The following TOX3 variants were observed in gnomAD, a reference collection of about 807,000 sequenced individuals.
TOX3 encodes the protein TOX high mobility group box family member 3.
Under a neutral mutation model 64.3 loss-of-function variants are expected in TOX3, and 22 were observed. That is an observed-to-expected ratio of 0.34 (90% CI 0.24 to 0.49). TOX3 has a LOEUF of 0.49. Ranked by LOEUF, TOX3 falls within the 20% of genes least tolerant of loss-of-function variation. The pLI is 0.99. For synonymous variants in TOX3, 291 were observed against 273.6 expected (o/e 1.06, Z -0.63); for missense variants, 661 against 714.4 (o/e 0.93, Z 0.85).
At chr16:52,521,248 T>C (rs2151478838) in intron 1 of TOX3, among the ~76,000 whole-genome samples, 1 of 152,354 alleles carries the variant, frequency 6.6e-6, no homozygotes, top group Non-Finnish European at 1.5e-5. Context: ...ATGCTTTCTA[T>C]GTAATTCAAT....
intron 1 of TOX3, among the ~76,000 whole-genome samples, chr16:52,514,927 C>T (rs1315456527): frequency 7.3e-6 from 1 of 137,610 alleles, no homozygotes; most frequent in Admixed American, 8.3e-5. Context: ...AGGAGAATGG[C>T]ATGAACCCGG....
chr16:52,483,608 G>A (rs954875118), intron 1 of TOX3, among the ~76,000 whole-genome samples: 4 of 122,214 alleles, frequency 3.3e-5, no homozygotes, highest in African/African-American at 9.5e-5. Context: ...TTGCTCTGTC[G>A]CCCAGGCTGG....
chr16:52,450,291 C>T lies in TOX3; in HGVS notation c.664G>A (p.Asp222Asn), dbSNP rs1960294349. The part of the protein sequence containing the change: ...PSSSINEEDA[D>N]EANRAIGEKR... ...TTCTAACTTACTCTGTTGGCTTCAT[C>T]AGCATCCTCTTCATTGATGGAGCTG... Residue 222 changes from aspartate (D) to asparagine (N), a missense_variant, in exon 4 of 7, where the codon GAT (aspartate) becomes AAT (asparagine). Around this residue, in one of 3 missense-constraint regions of TOX3, gnomAD observed 103 missense variants for 161.2 expected, o/e 0.64. Transcript: ENST00000219746. The T allele has an allele frequency of 1.2e-6, 2 of 1,613,912 alleles. No individual in the cohort carries two copies. The highest frequency in any genetic ancestry group is 1.7e-6 in the Non-Finnish European group (2 of 1,179,902).
At chr16:52,537,546 C>T (rs530342959) in intron 1 of TOX3, among the ~76,000 whole-genome samples, 2 of 152,268 alleles carry the variant, frequency 1.3e-5, no homozygotes, top group East Asian at 1.9e-4. Context: ...TCCAGTTAGC[C>T]GTTTCAATGG....
chr16:52,495,791 C>A (rs1436205094), intron 1 of TOX3, among the ~76,000 whole-genome samples: 2 of 152,170 alleles, frequency 1.3e-5, no homozygotes, highest in Non-Finnish European at 2.9e-5. Flanking sequence ...TCTAGAAATT[C>A]TCCAAATTAA....
intron 3 of TOX3, among the ~76,000 whole-genome samples, chr16:52,451,732 C>T (rs1337610189): frequency 6.6e-6 from 1 of 152,052 alleles, no homozygotes; most frequent in Non-Finnish European, 1.5e-5. Context: ...ATATAAATGC[C>T]ACTCAATGAG....
chr16:52,520,602 T>C (rs1962584999), intron 1 of TOX3, among the ~76,000 whole-genome samples: 1 of 152,210 alleles, frequency 6.6e-6, no homozygotes. Context: ...TATTTTACAG[T>C]TGAAAGTTTT....
intron 6 of TOX3, among the ~76,000 whole-genome samples, chr16:52,443,164 C>T (rs1353982515): frequency 1.3e-5 from 2 of 152,204 alleles, no homozygotes; most frequent in African/African-American, 4.8e-5. Flanking sequence ...ATCTAGTTAA[C>T]CAACTATACT....
intron 3 of TOX3, among the ~76,000 whole-genome samples, chr16:52,459,893 C>A (rs1960636483): frequency 6.6e-6 from 1 of 151,896 alleles, no homozygotes; most frequent in African/African-American, 2.4e-5. Context: ...AAAATTAGAG[C>A]CATGCCAAGT....
chr16:52,511,523 G>T (rs1191610973), intron 1 of TOX3, among the ~76,000 whole-genome samples: 2 of 152,114 alleles, frequency 1.3e-5, no homozygotes, highest in African/African-American at 4.8e-5. Context: ...AAGGCCTACT[G>T]AAAACACATT....
At chr16:52,490,626 A>ATTTTTTTTTT (rs3086679) in intron 1 of TOX3, among the ~76,000 whole-genome samples, 1,362 of 98,958 alleles carry the variant, frequency 0.014, 142 homozygotes, top group African/African-American at 0.05. Context: ...CTAGGATGTA[A>ATTTTTTTTTT]TTTTTTTTTT....
chr16:52,456,568 C>T (rs1435386985), intron 3 of TOX3, among the ~76,000 whole-genome samples: 1 of 152,166 alleles, frequency 6.6e-6, no homozygotes, highest in African/African-American at 2.4e-5. Flanking sequence ...GAAAGAGCCT[C>T]TTTGTCTTTT....
Position 52,437,275 on chromosome 16 carries a change from G to A in TOX3, c.*1950C>T, listed in dbSNP as rs1234649531. Reference sequence around the variant, plus strand: ...GAGTAGGAGAGGATTATGAAATATTGAAAGCTGAATTCATTATTCATAACC... The same window carrying A: ...GAGTAGGAGAGGATTATGAAATATTAAAAGCTGAATTCATTATTCATAACC... On this transcript the variant is annotated 3_prime_UTR_variant, in exon 7 of 7. Transcript: ENST00000219746. 2 of 152,166 alleles carry A rather than the reference G, an allele frequency of 1.3e-5. No individual in the cohort carries two copies. The highest frequency in any genetic ancestry group is 2.9e-5 in the Non-Finnish European group (2 of 68,038). The allele number at this position is 152,166 out of a possible 1,614,324, so 9.4% of individuals were successfully genotyped here.
intron 1 of TOX3, among the ~76,000 whole-genome samples, chr16:52,544,080 A>G (rs1429909909): frequency 2.0e-5 from 3 of 152,232 alleles, no homozygotes; most frequent in Non-Finnish European, 4.4e-5. Flanking sequence ...TTTCTTTGAA[A>G]TCCATCATTT....
intron 2 of TOX3, among the ~76,000 whole-genome samples, chr16:52,467,296 TTACAGATGGGGTTTGTGTTCATTACC>T (rs1418831121): frequency 6.6e-6 from 1 of 152,124 alleles, no homozygotes; most frequent in African/African-American, 2.4e-5. Flanking sequence ...CATGTCGTCC[TTACAGATGGGGTTTGTGTTCATTACC>T]ACAAACAACA....
chr16:52,448,707 A>G (rs545074731), intron 4 of TOX3, among the ~76,000 whole-genome samples: 13 of 152,158 alleles, frequency 8.5e-5, no homozygotes, highest in Non-Finnish European at 1.9e-4. Context: ...CTACTTAGAA[A>G]TAGATGATGC....
rs553658332 is a variant in TOX3 at position 52,451,408 on chromosome 16, G to A, written c.409-862C>T. ...TCAAATGCAGCTTTCTCTGTTCTTGGTAGTCATACAGAAAGGCCTTATAGT... is the reference window on the plus strand; with the variant it reads ...TCAAATGCAGCTTTCTCTGTTCTTGATAGTCATACAGAAAGGCCTTATAGT... On this transcript the variant is annotated intron_variant, in intron 3 of 6. Transcript: ENST00000219746. 1.8e-4 allele frequency among the ~76,000 whole-genome samples: 28 copies of A among 152,102 alleles called. No homozygotes were observed. The South Asian group carries it at 5.8e-3, about 32-fold the overall frequency.
intron 5 of TOX3, 142 bp downstream of exon 5, chr16:52,445,852 G>C (rs1024788794): frequency 3.9e-6 from 3 of 765,984 alleles, no homozygotes; most frequent in Non-Finnish European, 6.2e-6. Flanking sequence ...TATATGTCTG[G>C]GTTTTTAAAT....
At chr16:52,501,392 C>T (rs775980307) in intron 1 of TOX3, among the ~76,000 whole-genome samples, 1 of 152,224 alleles carries the variant, frequency 6.6e-6, no homozygotes, top group Non-Finnish European at 1.5e-5. Flanking sequence ...ATAGAGATGG[C>T]TGAGCGTGGT....
Sources: allele counts gnomAD v4.1 joint callset (sites outside exome capture counted in the v4.1 genomes callset), GRCh38; gene constraint gnomAD v4.1.1; regional missense constraint gnomAD v4.1.1; transcripts MANE v1.5; gene names NCBI Gene and HGNC (gene_info 2026-07-23, HGNC 2026-07-21).